The following TNFAIP8L3 variants were observed in gnomAD, a reference collection of about 807,000 sequenced individuals.
TNFAIP8L3 encodes the protein tumor necrosis factor alpha-induced protein 8-like protein 3.
Under a neutral mutation model 11.8 loss-of-function variants are expected in TNFAIP8L3, and 7 were observed. The ratio of observed to expected loss-of-function variants is 0.59; its 90% CI spans 0.34 to 1.11. The LOEUF is 1.11. Ranked by LOEUF, TNFAIP8L3 falls within the 50% of genes most tolerant of loss-of-function variation. The pLI, the probability that TNFAIP8L3 is intolerant of heterozygous loss-of-function variation, is 0.03. For missense variants in TNFAIP8L3, 219 were observed against 258.6 expected (o/e 0.85, Z 1.05); for synonymous variants, 98 against 103.8 (o/e 0.94, Z 0.34).
intron 1 of TNFAIP8L3, among the ~76,000 whole-genome samples, chr15:51,084,224 G>A (rs1289123320): frequency 5.9e-5 from 9 of 152,018 alleles, no homozygotes; most frequent in African/African-American, 9.7e-5. Context: ...ATGTATATAC[G>A]TACATACAGA....
At chr15:51,071,050 CAAA>C (rs55991711) in intron 1 of TNFAIP8L3, among the ~76,000 whole-genome samples, 1 of 31,780 alleles carries the variant, frequency 3.1e-5, no homozygotes, top group Non-Finnish European at 6.1e-5. Context: ...GACTCCGTCT[CAAA>C]AAAAAAAAAA....
At chr15:51,075,903 C>T (rs59681404) in intron 1 of TNFAIP8L3, among the ~76,000 whole-genome samples, 2,570 of 152,276 alleles carry the variant, frequency 0.017, 93 homozygotes, top group African/African-American at 0.059. Flanking sequence ...ACTAGACAAA[C>T]TGTTAGCTGT....
intron 1 of TNFAIP8L3, 101 bp from the exon 2 acceptor site, chr15:51,058,544 C>T (rs2065221903): frequency 1.8e-6 from 2 of 1,110,070 alleles, no homozygotes; most frequent in Non-Finnish European, 2.5e-6. Flanking sequence ...GTTCTTAGAG[C>T]AAAAACTCAT....
intron 1 of TNFAIP8L3, among the ~76,000 whole-genome samples, chr15:51,086,401 T>G (rs1212719107): frequency 1.3e-5 from 2 of 152,238 alleles, no homozygotes; most frequent in South Asian, 4.1e-4. Flanking sequence ...TATAGGCTAA[T>G]GCAGGGAATG....
chr15:51,076,039 AT>A (rs1354075678), intron 1 of TNFAIP8L3, among the ~76,000 whole-genome samples: 2 of 152,274 alleles, frequency 1.3e-5, no homozygotes, highest in East Asian at 3.9e-4. Context: ...TGAAATATGA[AT>A]CCTGAACAAT....
intron 1 of TNFAIP8L3, among the ~76,000 whole-genome samples, chr15:51,060,492 T>C (rs116526429): frequency 0.011 from 1,695 of 152,236 alleles, 29 homozygotes; most frequent in African/African-American, 0.04. Context: ...CAAGAATAAG[T>C]CTTTAGACTC....
rs2065398745 is a variant in TNFAIP8L3, at chr15:51,082,359, A to G, written c.52+12185T>C. On this transcript the variant is annotated intron_variant, in intron 1 of 1. Coordinates refer to ENST00000637513, the MANE Select transcript of TNFAIP8L3 (RefSeq NM_001311175.2). Reference sequence around the variant, plus strand: ...GTATAAGGTACAGTAAAAATGCAGTATAAAAGATAAAAAATGGTCTACTTC... The same window carrying G: ...GTATAAGGTACAGTAAAAATGCAGTGTAAAAGATAAAAAATGGTCTACTTC... 1.3e-5 allele frequency among the ~76,000 whole-genome samples: 2 copies of G among 152,222 alleles called. 1 individual carries two copies. Among genetic ancestry groups the G allele is most frequent in the Non-Finnish European group, 2.9e-5 (2 of 68,032 alleles).
At chr15:51,081,736 G>A (rs2065393896) in intron 1 of TNFAIP8L3, among the ~76,000 whole-genome samples, 1 of 152,212 alleles carries the variant, frequency 6.6e-6, no homozygotes, top group Non-Finnish European at 1.5e-5. Context: ...CTGAGTCTCG[G>A]CACATCACTG....
intron 1 of TNFAIP8L3, among the ~76,000 whole-genome samples, chr15:51,068,360 T>G (rs551298339): frequency 6.6e-6 from 1 of 152,262 alleles, no homozygotes; most frequent in Non-Finnish European, 1.5e-5. Context: ...TGGGTGGAGA[T>G]AGTGACACCA....
intron 1 of TNFAIP8L3, among the ~76,000 whole-genome samples, chr15:51,084,288 A>G (rs924952875): frequency 6.6e-6 from 1 of 152,232 alleles, no homozygotes; most frequent in Non-Finnish European, 1.5e-5. Context: ...TAATGTGAAC[A>G]TTTCCCTATA....
chr15:51,077,878 T>C (rs190496177), intron 1 of TNFAIP8L3, among the ~76,000 whole-genome samples: 50 of 152,310 alleles, frequency 3.3e-4, no homozygotes, highest in Admixed American at 2.9e-3. Context: ...GCAGGACCAC[T>C]TATTTTTTTC....
chr15:51,086,582 G>A (rs1179846275), intron 1 of TNFAIP8L3, among the ~76,000 whole-genome samples: 1 of 152,118 alleles, frequency 6.6e-6, no homozygotes, highest in Non-Finnish European at 1.5e-5. Flanking sequence ...AGAGTCTCTG[G>A]AGTTAGACTG....
intron 1 of TNFAIP8L3, among the ~76,000 whole-genome samples, chr15:51,088,079 A>G (rs969975075): frequency 6.6e-6 from 1 of 151,502 alleles, no homozygotes; most frequent in Non-Finnish European, 1.5e-5. Context: ...ATCCACCTAC[A>G]TAGGCATTTT....
intron 1 of TNFAIP8L3, among the ~76,000 whole-genome samples, chr15:51,069,129 C>A (rs1049613888): frequency 7.1e-4 from 108 of 152,246 alleles, no homozygotes; most frequent in African/African-American, 2.5e-3. Context: ...CAGTCTTCAC[C>A]CCCTCTGCCG....
At position 51,084,743 on chromosome 15, in the gene TNFAIP8L3, G is replaced by A. The variant is rs76231390; in HGVS notation, c.52+9801C>T. ...CCTAAACAGTGAGGAGGAGGGGTCCGGGGCCTTTAGAAGACAGGATTCTTG... is the reference window on the plus strand; with the variant it reads ...CCTAAACAGTGAGGAGGAGGGGTCCAGGGCCTTTAGAAGACAGGATTCTTG... On this transcript the variant is annotated intron_variant, in intron 1 of 1. Transcript: ENST00000637513. Among the ~76,000 whole-genome samples, 730 of 152,284 alleles carry A rather than the reference G, an allele frequency of 4.8e-3. 1 individual carries two copies. The highest frequency in any genetic ancestry group is 0.017 in the African/African-American group (687 of 41,550).
intron 1 of TNFAIP8L3, among the ~76,000 whole-genome samples, chr15:51,067,388 G>A (rs1457913059): frequency 1.3e-5 from 2 of 152,168 alleles, no homozygotes; most frequent in Admixed American, 6.5e-5. Flanking sequence ...ACCTGCCACA[G>A]GAAGCAGGCA....
chr15:51,067,347 G>T (rs1026004529), intron 1 of TNFAIP8L3, among the ~76,000 whole-genome samples: 1 of 152,110 alleles, frequency 6.6e-6, no homozygotes, highest in Admixed American at 6.5e-5. Context: ...CCCTGCTTCT[G>T]GGAAGTCCTG....
chr15:51,090,535 T>C (rs1036059643), intron 1 of TNFAIP8L3, among the ~76,000 whole-genome samples: 2 of 152,216 alleles, frequency 1.3e-5, no homozygotes, highest in Admixed American at 6.5e-5. Context: ...CTCCCCAGTA[T>C]GCGCCCTCTA....
At chr15:51,090,485 C>T (rs566199317) in intron 1 of TNFAIP8L3, among the ~76,000 whole-genome samples, 1 of 152,304 alleles carries the variant, frequency 6.6e-6, no homozygotes, top group East Asian at 1.9e-4. Flanking sequence ...CTGCCAAGAC[C>T]AACTTACTCC....
Sources: gnomAD v4.1 joint callset for allele counts (sites outside exome capture counted in the v4.1 genomes callset) on GRCh38, gnomAD v4.1.1 for gene constraint, MANE v1.5 for transcripts, NCBI Gene and HGNC (gene_info 2026-07-23, HGNC 2026-07-21) for gene names.